IDH2: variants seen among roughly 807,000 people sequenced by gnomAD.
IDH2 encodes the protein isocitrate dehydrogenase (NADP(+)) 2.
Under a neutral mutation model 50.5 loss-of-function variants are expected in IDH2, and 18 were observed. The observed-to-expected ratio is 0.36, with a 90% CI of 0.25 to 0.53. The LOEUF (loss-of-function observed/expected upper bound fraction) is 0.53, where lower values mean the gene tolerates loss of function less well. Ranked by LOEUF, IDH2 falls within the 20% of genes least tolerant of loss-of-function variation. The pLI, the probability that IDH2 is intolerant of heterozygous loss-of-function variation, is 0.92. For synonymous variants in IDH2, 280 were observed against 239.8 expected, an observed-to-expected ratio of 1.17 and a Z score of -1.55; for missense variants, 518 against 610.7, an observed-to-expected ratio of 0.85 and a Z score of 1.60.
chr15:90,099,034 CA>C lies in IDH2; in HGVS notation c.115+3241del, dbSNP rs555506990. 2.3e-4 allele frequency among the ~76,000 whole-genome samples: 35 copies of C among 152,230 alleles called. 1 individual carries two copies. Among genetic ancestry groups the C allele is most frequent in the Middle Eastern group, 3.4e-3 (1 of 294 alleles). On this transcript the variant is annotated intron_variant, in intron 1 of 10. Transcript: ENST00000330062. ...CTTTCCCCACTACTGGCTCCTCCTT[CA>C]AAATATATCCAGAATCCAACCACTT...
intron 1 of IDH2, among the ~76,000 whole-genome samples, chr15:90,093,338 C>T (rs879640733): frequency 6.6e-6 from 1 of 152,214 alleles, no homozygotes; most frequent in Non-Finnish European, 1.5e-5. Context: ...TTGTCCAAGA[C>T]TTAGTTCTTT....
At chr15:90,093,292 T>C (rs4932278) in intron 1 of IDH2, among the ~76,000 whole-genome samples, 88,178 of 152,198 alleles carry the variant, frequency 0.58, 28,576 homozygotes, top group Non-Finnish European at 0.75. Context: ...GCCTCCTTAG[T>C]AGCTGGGGCT....
At chr15:90,094,286 C>G (rs544644089) in intron 1 of IDH2, among the ~76,000 whole-genome samples, 15 of 152,336 alleles carry the variant, frequency 9.8e-5, no homozygotes, top group African/African-American at 2.4e-4. Flanking sequence ...TGAATCAGTA[C>G]AGCTGCCTTG....
At chr15:90,091,680 G>C (rs1340577980) in intron 1 of IDH2, 36 bp from the exon 2 acceptor site, 1 of 1,578,310 alleles carries the variant, frequency 6.3e-7, no homozygotes, top group African/African-American at 1.3e-5. Flanking sequence ...CATGCCCCTG[G>C]GGAGGCTGGA....
chr15:90,092,801 C>T (rs1901078218), intron 1 of IDH2, among the ~76,000 whole-genome samples: 1 of 152,180 alleles, frequency 6.6e-6, no homozygotes, highest in African/African-American at 2.4e-5. Context: ...TGGTCTCAAA[C>T]TCCTGACCTC....
intron 1 of IDH2, among the ~76,000 whole-genome samples, chr15:90,097,450 C>T (rs1000926843): frequency 6.6e-6 from 1 of 152,168 alleles, no homozygotes; most frequent in African/African-American, 2.4e-5. Context: ...AGGGGGACTA[C>T]TGTTATCTAC....
At chr15:90,087,306 G>A (rs778420912) in intron 6 of IDH2, 43 bp from the exon 7 acceptor site, 4 of 1,613,494 alleles carry the variant, frequency 2.5e-6, no homozygotes, top group East Asian at 2.2e-5. Context: ...GCAGAAGGCT[G>A]ACAGGTTGGG....
intron 1 of IDH2, among the ~76,000 whole-genome samples, chr15:90,101,990 T>C (rs906299493): frequency 1.4e-4 from 21 of 151,496 alleles, no homozygotes; most frequent in African/African-American, 5.1e-4. Context: ...CCTCCCGAAA[T>C]ACCTAGGGGC....
chr15:90,096,935 A>G (rs1047086000), intron 1 of IDH2, among the ~76,000 whole-genome samples: 6 of 152,330 alleles, frequency 3.9e-5, no homozygotes, highest in African/African-American at 1.4e-4. Context: ...AAAGAAAAGA[A>G]AAGGACAAGA....
rs1190165001 is a variant in IDH2 at position 90,088,496 on chromosome 15, C to G, written c.541G>C (p.Ala181Pro). The change falls in exon 5 of 11, where the codon GCC becomes CCC. Residue 181 changes from alanine to proline, a missense_variant. Ala to Pro is a conservative substitution (Grantham distance 27). Transcript: ENST00000330062. ...GCCCGGTCTGCCACAAAGTCTGTGG[C>G]CTTGTACTGCAGAGACAAGAGGATG... ...GRHAHGDQYK[A>P]TDFVADRAGT... 6.2e-7 allele frequency: 1 copy of G among 1,614,082 alleles called. No homozygotes were observed. The highest frequency in any genetic ancestry group is 1.7e-5 in the Admixed American group (1 of 60,002).
intron 7 of IDH2, among the ~76,000 whole-genome samples, chr15:90,086,035 G>T (rs1338554883): frequency 6.6e-6 from 1 of 152,152 alleles, no homozygotes. Flanking sequence ...CATTTTACCT[G>T]CACCTTCACA....
intron 1 of IDH2, 79 bp downstream of exon 1, chr15:90,102,197 C>T: frequency 1.8e-6 from 1 of 568,262 alleles, no homozygotes; most frequent in Non-Finnish European, 2.5e-6. Context: ...GCGGGACGTG[C>T]TTCCCGGCCC....
chr15:90,091,774 C>A, intron 1 of IDH2, 130 bp from the exon 2 acceptor site: 1 of 772,890 alleles, frequency 1.3e-6, no homozygotes, highest in Non-Finnish European at 2.3e-6. Flanking sequence ...CCGGTGTCCA[C>A]TCCCCCGTCT....
At chr15:90,090,753 C>G in intron 2 of IDH2, 109 bp from the exon 3 acceptor site, 1 of 1,202,338 alleles carries the variant, frequency 8.3e-7, no homozygotes, top group Non-Finnish European at 1.2e-6. Context: ...TCAGTCAAAA[C>G]AGGGATGAGT....
chr15:90,084,751 A>T lies in IDH2; in HGVS notation c.1271+65T>A. ...TAAGCTGACTCATGAGGGGGACTTT[A>T]GGAGGGGTCCCCTGGCTTCCTCCCA... On this transcript the variant is annotated intron_variant, in intron 10 of 10. Transcript: ENST00000330062. The surrounding 1 kb of genome is among the most constrained non-coding windows in gnomAD (Gnocchi z 5.0). 2 of 1,312,186 alleles carry T rather than the reference A, an allele frequency of 1.5e-6. No homozygotes were observed. Among genetic ancestry groups the T allele is most frequent in the Non-Finnish European group, 2.2e-6 (2 of 912,052 alleles). 81.3% of individuals were successfully genotyped at this position (1,312,186 alleles called of 1,614,324 possible).
chr15:90,101,135 T>C (rs1901319472), intron 1 of IDH2, among the ~76,000 whole-genome samples: 2 of 152,034 alleles, frequency 1.3e-5, no homozygotes, highest in South Asian at 4.1e-4. Context: ...CCTTTCTCCT[T>C]GGCAGGGAAG....
chr15:90,087,387 C>T (rs2151548324), intron 6 of IDH2, 52 bp downstream of exon 6: 5 of 1,613,558 alleles, frequency 3.1e-6, no homozygotes. Flanking sequence ...AGGATGGGAA[C>T]AGCATGGGGG....
chr15:90,096,014 T>C (rs970431224), intron 1 of IDH2, among the ~76,000 whole-genome samples: 1 of 152,194 alleles, frequency 6.6e-6, no homozygotes, highest in African/African-American at 2.4e-5. Flanking sequence ...GACAGAAGAC[T>C]GGCTGGGCAC....
chr15:90,096,887 A>G (rs371357649), intron 1 of IDH2, among the ~76,000 whole-genome samples: 1 of 152,042 alleles, frequency 6.6e-6, no homozygotes, highest in Non-Finnish European at 1.5e-5. Flanking sequence ...GCACTCCAGC[A>G]TGGGCGAAAG....
Sources: gnomAD v4.1 joint callset for allele counts (sites outside exome capture counted in the v4.1 genomes callset) on GRCh38, gnomAD v4.1.1 for gene constraint, Gnocchi (gnomAD v3.1) non-coding constraint, MANE v1.5 for transcripts, NCBI Gene and HGNC (gene_info 2026-07-23, HGNC 2026-07-21) for gene names.